Variants in EXT2 observed in about 807,000 individuals in gnomAD.
EXT2 encodes the protein exostosin-2.
A neutral mutation model predicts 81.6 loss-of-function variants in EXT2; 53 were observed. The ratio of observed to expected loss-of-function variants is 0.65; its 90% CI spans 0.52 to 0.82. The LOEUF is 0.82. Ranked by LOEUF, EXT2 falls within the 40% of genes least tolerant of loss-of-function variation. EXT2 has a pLI of 0.00. For missense variants in EXT2, 774 were observed against 910.2 expected, an observed-to-expected ratio of 0.85 and a Z score of 1.93; for synonymous variants, 320 against 340.0, an observed-to-expected ratio of 0.94 and a Z score of 0.65.
At chr11:44,108,450 A>T (rs1197346234) in intron 2 of EXT2, among the ~76,000 whole-genome samples, 1 of 152,256 alleles carries the variant, frequency 6.6e-6, no homozygotes, top group Non-Finnish European at 1.5e-5. Flanking sequence ...CGTGAAGAGT[A>T]GTCTGCCATC....
chr11:44,214,227 C>T (rs1392991484), intron 10 of EXT2, among the ~76,000 whole-genome samples: 1 of 152,150 alleles, frequency 6.6e-6, no homozygotes, highest in Non-Finnish European at 1.5e-5. Flanking sequence ...CATTCTTCTG[C>T]CTCAGCCTCT....
At chr11:44,167,800 G>A (rs1955013804) in intron 7 of EXT2, among the ~76,000 whole-genome samples, 1 of 152,172 alleles carries the variant, frequency 6.6e-6, no homozygotes, top group African/African-American at 2.4e-5. Flanking sequence ...TAGAAGAAAA[G>A]AAGGAGACTT....
At chr11:44,101,607 G>A (rs1953983537) in intron 1 of EXT2, among the ~76,000 whole-genome samples, 1 of 152,160 alleles carries the variant, frequency 6.6e-6, no homozygotes, top group Non-Finnish European at 1.5e-5. Context: ...TTCCTGGGAG[G>A]GCCTATTCCT....
chr11:44,194,591 G>A (rs1367321081), intron 8 of EXT2, among the ~76,000 whole-genome samples: 1 of 152,104 alleles, frequency 6.6e-6, no homozygotes. Context: ...AGGTTATATA[G>A]CCTTGAACAT....
intron 10 of EXT2, among the ~76,000 whole-genome samples, chr11:44,213,131 A>G (rs1307069237): frequency 2.6e-5 from 4 of 152,224 alleles, no homozygotes; most frequent in African/African-American, 9.6e-5. Flanking sequence ...TGCTTATATT[A>G]TAAAAAGAAG....
intron 10 of EXT2, among the ~76,000 whole-genome samples, chr11:44,216,524 T>C (rs1188731278): frequency 6.6e-6 from 1 of 152,204 alleles, no homozygotes; most frequent in Non-Finnish European, 1.5e-5. Flanking sequence ...GAGAGCCGAA[T>C]ATGGTGAACC....
chr11:44,175,391 CTT>C (rs1183606509), intron 8 of EXT2, among the ~76,000 whole-genome samples: 1 of 144,046 alleles, frequency 6.9e-6, no homozygotes. Flanking sequence ...TTTTCTTTTT[CTT>C]TTTTTTTTTT....
At chr11:44,160,412 G>C (rs961756371) in intron 7 of EXT2, among the ~76,000 whole-genome samples, 1 of 152,140 alleles carries the variant, frequency 6.6e-6, no homozygotes, top group Non-Finnish European at 1.5e-5. Context: ...CCTTTTACTT[G>C]TGTTAGGACA....
intron 1 of EXT2, among the ~76,000 whole-genome samples, chr11:44,105,660 A>G (rs1954043585): frequency 6.6e-6 from 1 of 152,212 alleles, no homozygotes; most frequent in South Asian, 2.1e-4. Context: ...CATGGTAAGT[A>G]TGTGGCAGAT....
At chr11:44,233,995 C>T in intron 11 of EXT2, 120 bp from the exon 12 acceptor site, 1 of 1,390,564 alleles carries the variant, frequency 7.2e-7, no homozygotes, top group Non-Finnish European at 1.0e-6. Context: ...ATTAATACAG[C>T]CTTGTGATTA....
rs1359835283 is a variant in EXT2, at chr11:44,151,899, T to A, written c.1174-19712T>A. Among the ~76,000 whole-genome samples, 4 of 152,356 alleles carry A rather than the reference T, an allele frequency of 2.6e-5. No individual in the cohort carries two copies. The East Asian group carries it at 7.7e-4, about 29-fold the overall frequency. ...ATTTGGTGTTCTCAGTGCTTTGGAT[T>A]TTGGCCATTCTAATAGATATGTATT... On this transcript the variant is annotated intron_variant, in intron 7 of 13. Coordinates refer to ENST00000533608, the MANE Select transcript of EXT2 (RefSeq NM_207122.2).
At position 44,098,172 on chromosome 11, in the gene EXT2, G is replaced by A. The variant is rs138971912; in HGVS notation, c.-31+2320G>A. On this transcript the variant is annotated intron_variant, in intron 1 of 13. Coordinates refer to ENST00000533608, the MANE Select transcript of EXT2 (RefSeq NM_207122.2). ...ATCTTCCGGGGATTTTAACTTCTTG[G>A]TGGTAGGGAGCAGTCTCACTGGACA... Among the ~76,000 whole-genome samples the A allele has an allele frequency of 2.0e-3, 312 of 152,256 alleles. 1 individual carries two copies. The highest frequency in any genetic ancestry group is 7.2e-3 in the African/African-American group (299 of 41,538).
At chr11:44,102,260 A>T (rs1414515207) in intron 1 of EXT2, among the ~76,000 whole-genome samples, 2 of 152,186 alleles carry the variant, frequency 1.3e-5, no homozygotes, top group Admixed American at 6.5e-5. Context: ...TGATAACAGT[A>T]CCAGGCAACC....
rs918668289 is a variant in EXT2, at chr11:44,247,033, G to A, written c.*2746G>A. ...GCTTTGCCCCCAGGGGCCTAACTGG[G>A]ATGGGCCTGCTTGGAATGCCAGGGC... On this transcript the variant is annotated 3_prime_UTR_variant, in exon 14 of 14. Coordinates refer to ENST00000533608, the MANE Select transcript of EXT2 (RefSeq NM_207122.2). 1.3e-5 allele frequency among the ~76,000 whole-genome samples: 2 copies of A among 152,258 alleles called. No individual in the cohort carries two copies. The highest frequency in any genetic ancestry group is 4.8e-5 in the African/African-American group (2 of 41,466).
chr11:44,120,965 C>T (rs1425810861), intron 4 of EXT2, among the ~76,000 whole-genome samples: 1 of 152,214 alleles, frequency 6.6e-6, no homozygotes, highest in Non-Finnish European at 1.5e-5. Context: ...AAAAGAAAAA[C>T]AAATCCACCT....
chr11:44,138,380 T>G (rs534529184), intron 7 of EXT2, among the ~76,000 whole-genome samples: 1 of 152,192 alleles, frequency 6.6e-6, no homozygotes, highest in African/African-American at 2.4e-5. Flanking sequence ...AGAGTTGCAG[T>G]AATCTTGAGA....
intron 3 of EXT2, among the ~76,000 whole-genome samples, chr11:44,111,455 A>C (rs544692709): frequency 4.3e-4 from 65 of 152,266 alleles, no homozygotes; most frequent in African/African-American, 1.4e-3. Flanking sequence ...CATACAAACC[A>C]ATTTTATTTT....
At chr11:44,190,979 G>T (rs1021921325) in intron 8 of EXT2, among the ~76,000 whole-genome samples, 6 of 152,130 alleles carry the variant, frequency 3.9e-5, no homozygotes, top group African/African-American at 1.4e-4. Context: ...TTCCTGAAGG[G>T]GAAACCCCTT....
chr11:44,173,186 C>A (rs554248504), intron 8 of EXT2, among the ~76,000 whole-genome samples: 29 of 152,184 alleles, frequency 1.9e-4, no homozygotes, highest in Non-Finnish European at 3.4e-4. Context: ...TCTCTCCTCA[C>A]TGGGACACCT....
Sources: gnomAD v4.1 joint callset for allele counts (sites outside exome capture counted in the v4.1 genomes callset) on GRCh38, gnomAD v4.1.1 for gene constraint, MANE v1.5 for transcripts, NCBI Gene and HGNC (gene_info 2026-07-23, HGNC 2026-07-21) for gene names.